Variants in ATP8B3 observed in about 807,000 individuals in gnomAD.
ATP8B3 encodes the protein phospholipid-transporting ATPase IK.
ATP8B3 carries 141 observed loss-of-function variants against 140.9 expected under a neutral mutation model. The observed-to-expected ratio is 1.00, with a 90% CI of 0.87 to 1.15. The LOEUF (loss-of-function observed/expected upper bound fraction) is 1.15, where lower values mean the gene tolerates loss of function less well. ATP8B3 is among the 50% of genes most tolerant of loss of function. The probability of loss-of-function intolerance (pLI) is 0.00; values close to 1 mark genes in which losing one functional copy is unlikely to be tolerated. For missense variants in ATP8B3, 1,874 were observed against 1,740.6 expected, an observed-to-expected ratio of 1.08 and a Z score of -1.36; for synonymous variants, 765 against 714.6, an observed-to-expected ratio of 1.07 and a Z score of -1.13.
At chr19:1,809,941 T>C (rs2069140487) in intron 3 of ATP8B3, among the ~76,000 whole-genome samples, 1 of 152,188 alleles carries the variant, frequency 6.6e-6, no homozygotes, top group African/African-American at 2.4e-5. Flanking sequence ...CACAAGTGGA[T>C]TCCGAGAGTG....
chr19:1,786,293 C>T (rs901581670), intron 25 of ATP8B3, among the ~76,000 whole-genome samples: 3 of 152,010 alleles, frequency 2.0e-5, no homozygotes, highest in Non-Finnish European at 4.4e-5. Flanking sequence ...AGGCCAGGTG[C>T]GGTGGCTCAC....
At chr19:1,798,563 C>G (rs1424906586) in intron 14 of ATP8B3, among the ~76,000 whole-genome samples, 7 of 151,562 alleles carry the variant, frequency 4.6e-5, no homozygotes, top group Non-Finnish European at 8.8e-5. Context: ...ACGGTGAAAC[C>G]CTGTCTCTAT....
In ATP8B3 at chr19:1,800,128, G is replaced by A. The variant is rs1328891984; in HGVS notation, c.1371C>T (p.Ser457=). 2.6e-6 allele frequency: 4 copies of A among 1,560,598 alleles called. No individual in the cohort carries two copies. Among genetic ancestry groups the A allele is most frequent in the Non-Finnish European group, 8.7e-7 (1 of 1,152,150 alleles). ...ILSEFIYLGN[S]VFIDWDVQMY... ...TCTGCACGTCCCAGTCGATGAAGAC[G>A]CTGTTCCCCAGGTAGATGAACTCGG... Residue 457 remains serine (S), a synonymous_variant, in exon 14 of 29, where the codon AGC becomes AGT. Transcript: ENST00000310127. The surrounding 1 kb of genome is among the most constrained non-coding windows in gnomAD (Gnocchi z 4.4).
intron 24 of ATP8B3, among the ~76,000 whole-genome samples, chr19:1,788,312 C>A (rs2068370696): frequency 6.6e-6 from 1 of 152,194 alleles, no homozygotes; most frequent in Non-Finnish European, 1.5e-5. Context: ...TCACTCAACT[C>A]TCCCCAGAAG....
At chr19:1,788,354 T>G (rs1251928338) in intron 24 of ATP8B3, among the ~76,000 whole-genome samples, 1 of 152,044 alleles carries the variant, frequency 6.6e-6, no homozygotes, top group Non-Finnish European at 1.5e-5. Context: ...TGCCCTTGCT[T>G]GAAAGCTCTG....
chr19:1,811,083 C>T lies in ATP8B3; in HGVS notation c.249-400G>A, dbSNP rs530550676. ...TCTCACCTCCTCCTGGTTTCACTGA[C>T]GGCCTCCTGCCCCTCTCCCCATGTG... On this transcript the variant is annotated intron_variant, in intron 2 of 28. Coordinates refer to ENST00000310127, the MANE Select transcript of ATP8B3 (RefSeq NM_138813.4). Among the ~76,000 whole-genome samples the T allele has an allele frequency of 2.0e-4, 30 of 152,366 alleles. No individual in the cohort carries two copies. In the East Asian group the frequency reaches 2.1e-3, roughly 11 times the overall value.
chr19:1,799,219 A>C (rs1829694173), intron 14 of ATP8B3: 1 of 151,474 alleles, frequency 6.6e-6, no homozygotes, highest in South Asian at 2.1e-4. Flanking sequence ...AATATTTTGG[A>C]GGCTGAGGCA....
chr19:1,800,839 T>C lies in ATP8B3; in HGVS notation c.1153-390A>G, dbSNP rs1423244425. On this transcript the variant is annotated intron_variant, in intron 12 of 28. Transcript: ENST00000310127. The surrounding 1 kb of genome is among the most constrained non-coding windows in gnomAD (Gnocchi z 4.4). ...AAACTTTTTTTTTTTTAATTTTTTT[T>C]TTTTTTTGAGACAGAGTCTCGCTCT... Among the ~76,000 whole-genome samples the C allele has an allele frequency of 6.6e-6, 1 of 150,762 alleles. No individual in the cohort carries two copies. Among genetic ancestry groups the C allele is most frequent in the Non-Finnish European group, 1.5e-5 (1 of 67,520 alleles).
chr19:1,806,408 C>A lies in ATP8B3; in HGVS notation c.677+220G>T. ...TTCAGACTTTCCTTGTCCTCCCCAT[C>A]GCCCGAGCCCTAAGCTCTGCAAGGG... On this transcript the variant is annotated intron_variant, in intron 7 of 28. Coordinates refer to ENST00000310127, the MANE Select transcript of ATP8B3 (RefSeq NM_138813.4). The surrounding 1 kb of genome is among the most constrained non-coding windows in gnomAD (Gnocchi z 5.6). 1.4e-6 allele frequency: 2 copies of A among 1,443,692 alleles called. No homozygotes were observed. Among genetic ancestry groups the A allele is most frequent in the Non-Finnish European group, 1.8e-6 (2 of 1,105,158 alleles). 89.4% of individuals were successfully genotyped at this position (1,443,692 alleles called of 1,614,324 possible). A position where few individuals can be genotyped will look rare whatever the true frequency, so the allele number is the denominator to read the frequency against.
chr19:1,793,529 C>T (rs1377106073), intron 18 of ATP8B3, among the ~76,000 whole-genome samples: 1 of 152,198 alleles, frequency 6.6e-6, no homozygotes. Context: ...CTCTGAGCCC[C>T]TTCCTTGGGC....
At position 1,783,119 on chromosome 19, in the gene ATP8B3, CGCA is replaced by C; in HGVS notation, c.3809_3811del (p.Leu1270del). ...GTCACTGCTGACCCCTGGTCCCCTC[CGCA>C]GAATTGTGCCCTGAGTGATGAGGTT... On this transcript the variant is annotated inframe_deletion, in exon 29 of 29. Coordinates refer to ENST00000310127, the MANE Select transcript of ATP8B3 (RefSeq NM_138813.4). 6.2e-7 allele frequency: 1 copy of C among 1,613,542 alleles called. No homozygotes were observed. Among genetic ancestry groups the C allele is most frequent in the Admixed American group, 1.7e-5 (1 of 59,968 alleles).
At position 1,787,136 on chromosome 19, in the gene ATP8B3, G is replaced by C. The variant is rs1247988561; in HGVS notation, c.3120C>G (p.Thr1040=). ...AGAGCCCAATGTAGAGAACTGGCAG[G>C]GTGCTGTACAGGAGGTTGAAAAGAG... ...FLALFNLLYS[T]LPVLYIGLFE... The change falls in exon 25 of 29, where the codon ACC becomes ACG. Residue 1040 remains threonine (T), a synonymous_variant. Transcript: ENST00000310127. 1.5e-5 allele frequency: 24 copies of C among 1,610,494 alleles called. No homozygotes were observed. Among genetic ancestry groups the C allele is most frequent in the Non-Finnish European group, 1.9e-5 (22 of 1,178,376 alleles).
intron 18 of ATP8B3, among the ~76,000 whole-genome samples, chr19:1,793,890 G>GCC (rs1568632804): frequency 1.6e-4 from 25 of 152,010 alleles, no homozygotes; most frequent in East Asian, 9.7e-4. Context: ...CTACAGGCCT[G>GCC]CACCACCACA....
At chr19:1,799,887 G>A in intron 14 of ATP8B3, 60 bp downstream of exon 14, 1 of 1,486,656 alleles carries the variant, frequency 6.7e-7, no homozygotes, top group Admixed American at 2.0e-5. Flanking sequence ...TGGTTCTCAG[G>A]CACCCTGAGC....
At chr19:1,783,317 C>G in intron 28 of ATP8B3, 47 bp from the exon 29 acceptor site, 1 of 1,574,182 alleles carries the variant, frequency 6.4e-7, no homozygotes, top group Non-Finnish European at 8.6e-7. Flanking sequence ...CTATGCTTGG[C>G]TGATGGCTCT....
At position 1,791,800 on chromosome 19, in the gene ATP8B3, C is replaced by T. The variant is rs1420997524; in HGVS notation, c.2252G>A (p.Cys751Tyr). Residue 751 changes from cysteine (C) to tyrosine (Y), a missense_variant, in exon 20 of 29, where the codon TGT (cysteine) becomes TAT (tyrosine). By Grantham distance (194) the Cys-to-Tyr change is radical. Transcript: ENST00000310127. Reference protein sequence around the residue: ...LQDGVPETIKCLKKSNIKIWV... With the variant: ...LQDGVPETIKYLKKSNIKIWV... ...TATTTTGATGTTGCTCTTCTTGAGA[C>T]ATTTGATGGTTTCAGGGACACCGTC... 1.2e-6 allele frequency: 2 copies of T among 1,611,934 alleles called. No homozygotes were observed. The highest frequency in any genetic ancestry group is 2.2e-5 in the East Asian group (1 of 44,880).
intron 20 of ATP8B3, among the ~76,000 whole-genome samples, chr19:1,791,398 T>C (rs1169515111): frequency 6.6e-6 from 1 of 151,488 alleles, no homozygotes; most frequent in Non-Finnish European, 1.5e-5. Flanking sequence ...CATTTTTTTT[T>C]TTTTTTTGAG....
In ATP8B3 at chr19:1,800,686, A is replaced by G. The variant is rs1422425069; in HGVS notation, c.1153-237T>C. The stretch of plus-strand genomic sequence containing the variant: ...AACTTAAAAAATAAATTAGTCAGGC[A>G]TGGTGGCGCACACCTGTAGTCTCAG... On this transcript the variant is annotated intron_variant, in intron 12 of 28. Transcript: ENST00000310127. The surrounding 1 kb of genome is among the most constrained non-coding windows in gnomAD (Gnocchi z 4.4). Among the ~76,000 whole-genome samples, 1 of 152,058 alleles carries G rather than the reference A, an allele frequency of 6.6e-6. No individual in the cohort carries two copies. Among genetic ancestry groups the G allele is most frequent in the Non-Finnish European group, 1.5e-5 (1 of 68,020 alleles).
intron 28 of ATP8B3, among the ~76,000 whole-genome samples, chr19:1,784,025 C>A (rs1341877692): frequency 1.3e-5 from 2 of 152,140 alleles, no homozygotes; most frequent in African/African-American, 4.8e-5. Context: ...CAAGGTGCAT[C>A]CACGCTGTGG....
Sources: allele counts gnomAD v4.1 joint callset (sites outside exome capture counted in the v4.1 genomes callset), GRCh38; gene constraint gnomAD v4.1.1; non-coding constraint Gnocchi (gnomAD v3.1); transcripts MANE v1.5; gene names NCBI Gene and HGNC (gene_info 2026-07-23, HGNC 2026-07-21).